MOCOS: variants seen among roughly 807,000 people sequenced by gnomAD.
The protein encoded by MOCOS is molybdenum cofactor sulfurase, also known as human molybdenum cofactor sulfurase.
In MOCOS, 86 loss-of-function variants were observed where a neutral mutation model predicts 83.6. The observed-to-expected ratio is 1.03, with a 90% confidence interval of 0.86 to 1.23. MOCOS has a LOEUF of 1.23. Ranked by LOEUF, MOCOS falls within the 50% of genes most tolerant of loss-of-function variation. The pLI, the probability that MOCOS is intolerant of heterozygous loss-of-function variation, is 0.00. For synonymous variants in MOCOS, 445 were observed against 434.7 expected, an observed-to-expected ratio of 1.02 and a Z score of -0.29; for missense variants, 1,120 against 1,126.9, an observed-to-expected ratio of 0.99 and a Z score of 0.09.
chr18:36,253,292 A>G (rs564082017), intron 11 of MOCOS, among the ~76,000 whole-genome samples: 44 of 152,310 alleles, frequency 2.9e-4, no homozygotes, highest in Admixed American at 1.4e-3. Flanking sequence ...ATAAAGGTCT[A>G]TGCGAAGGGC....
chr18:36,199,960 C>G lies in MOCOS; in HGVS notation c.577C>G (p.Gln193Glu). Residue 193 changes from glutamine to glutamate, a missense_variant, in exon 4 of 15, where the codon CAG becomes GAG. Physicochemically the swap from Gln to Glu is conservative, Grantham distance 29 (BLOSUM62 2). Transcript: ENST00000261326. ...TGCTTCAGCCAGCAACCCAGACTGC[C>G]AGCTGCCGCATCTCTTCTGCTACCC... ...RSASASNPDC[Q>E]LPHLFCYPAQ... 1 of 1,614,238 alleles carries G rather than the reference C, an allele frequency of 6.2e-7. No individual in the cohort carries two copies. The highest frequency in any genetic ancestry group is 8.5e-7 in the Non-Finnish European group (1 of 1,180,048).
chr18:36,197,650 G>A (rs2091394675), intron 2 of MOCOS, among the ~76,000 whole-genome samples: 1 of 152,164 alleles, frequency 6.6e-6, no homozygotes, highest in Non-Finnish European at 1.5e-5. Flanking sequence ...GCACATGCCT[G>A]TTGTGCTAGC....
chr18:36,211,142 G>C (rs1056340604), intron 6 of MOCOS, among the ~76,000 whole-genome samples: 2 of 152,154 alleles, frequency 1.3e-5, no homozygotes, highest in African/African-American at 4.8e-5. Flanking sequence ...GGAACTTCAC[G>C]ATATGGGAAT....
intron 9 of MOCOS, among the ~76,000 whole-genome samples, chr18:36,240,869 G>A (rs1362839397): frequency 1.3e-5 from 2 of 152,210 alleles, no homozygotes; most frequent in African/African-American, 2.4e-5. Flanking sequence ...GAAAAGCGCA[G>A]TATTCGGGTG....
chr18:36,237,712 A>G (rs2091564828), intron 9 of MOCOS, among the ~76,000 whole-genome samples: 1 of 152,060 alleles, frequency 6.6e-6, no homozygotes, highest in Non-Finnish European at 1.5e-5. Context: ...TAATGGTACC[A>G]GTTCCTCCTT....
At chr18:36,247,514 T>A (rs1394814931) in intron 9 of MOCOS, among the ~76,000 whole-genome samples, 2 of 151,976 alleles carry the variant, frequency 1.3e-5, no homozygotes, top group Non-Finnish European at 1.5e-5. Context: ...AGAACCCCTG[T>A]GAGATAAGTC....
At chr18:36,249,874 T>TA (rs531442023) in intron 10 of MOCOS, among the ~76,000 whole-genome samples, 119 of 152,344 alleles carry the variant, frequency 7.8e-4, no homozygotes, top group African/African-American at 2.7e-3. Context: ...TCACAGATTA[T>TA]ATACCCATAT....
chr18:36,239,020 A>G (rs1268159989), intron 9 of MOCOS, among the ~76,000 whole-genome samples: 4 of 151,222 alleles, frequency 2.6e-5, no homozygotes, highest in Non-Finnish European at 5.9e-5. Context: ...TTTTGAGCCT[A>G]TGTGTGTCTC....
At chr18:36,202,987 G>A in intron 4 of MOCOS, 126 bp from the exon 5 acceptor site, 1 of 881,596 alleles carries the variant, frequency 1.1e-6, no homozygotes. Context: ...TGAGATTTAG[G>A]TGGAGACATA....
intron 9 of MOCOS, among the ~76,000 whole-genome samples, chr18:36,221,881 A>G (rs560777419): frequency 6.6e-6 from 1 of 152,132 alleles, no homozygotes; most frequent in South Asian, 2.1e-4. Flanking sequence ...ATGCAGCACC[A>G]TGACTGGCTG....
rs111644105 is a variant in MOCOS, at chr18:36,226,208, G to A, written c.1960+5991G>A. On this transcript the variant is annotated intron_variant, in intron 9 of 14. Coordinates refer to ENST00000261326, the MANE Select transcript of MOCOS (RefSeq NM_017947.4). Reference sequence around the variant, plus strand: ...ATGTATTTAGGTGCTCTGATGTTGGGTGCATATATATTTATAATTGTTATA... The same window carrying A: ...ATGTATTTAGGTGCTCTGATGTTGGATGCATATATATTTATAATTGTTATA... 2.6e-5 allele frequency among the ~76,000 whole-genome samples: 4 copies of A among 151,880 alleles called. No individual in the cohort carries two copies. The East Asian group carries it at 5.8e-4, about 22-fold the overall frequency.
Position 36,215,645 on chromosome 18 carries a change from C to A in MOCOS, c.1465C>A (p.Arg489Ser). 1 of 1,614,182 alleles carries A rather than the reference C, an allele frequency of 6.2e-7. No individual in the cohort carries two copies. Among genetic ancestry groups the A allele is most frequent in the Non-Finnish European group, 8.5e-7 (1 of 1,180,040 alleles). Residue 489 changes from arginine to serine, a missense_variant, in exon 8 of 15, where the codon CGC becomes AGC. By Grantham distance (110) the Arg-to-Ser change is moderately radical. Transcript: ENST00000261326. ...QAFLRFIIDT[R>S]LHSSGDWPVP... is the part of the protein sequence containing the mutation. ...CTTTCTTAGGTTCATCATAGACACTCGCCTGCACTCATCAGGGGACTGGCC... is the reference window on the plus strand; with the variant it reads ...CTTTCTTAGGTTCATCATAGACACTAGCCTGCACTCATCAGGGGACTGGCC...
At position 36,199,692 on chromosome 18, in the gene MOCOS, G is replaced by T; in HGVS notation, c.309G>T (p.Ala103=). The change falls in exon 4 of 15, where the codon GCG becomes GCT. Residue 103 remains alanine, a synonymous_variant. Coordinates refer to ENST00000261326, the MANE Select transcript of MOCOS (RefSeq NM_017947.4). ...TVEQVRYRIL[A]HFHTTAEDYT... ...GCTGTGCTTCTTCCAGAATCCTGGC[G>T]CACTTCCACACCACCGCAGAAGACT... 3 of 1,613,594 alleles carry T rather than the reference G, an allele frequency of 1.9e-6. No homozygotes were observed. Among genetic ancestry groups the T allele is most frequent in the Non-Finnish European group, 2.5e-6 (3 of 1,180,024 alleles).
chr18:36,257,533 G>T (rs1186443990), intron 12 of MOCOS, among the ~76,000 whole-genome samples: 3 of 152,042 alleles, frequency 2.0e-5, no homozygotes, highest in African/African-American at 7.2e-5. Context: ...TTTGAAAGAT[G>T]CACCACAGAT....
At chr18:36,222,386 C>A (rs891106839) in intron 9 of MOCOS, among the ~76,000 whole-genome samples, 4 of 152,130 alleles carry the variant, frequency 2.6e-5, no homozygotes, top group Non-Finnish European at 5.9e-5. Flanking sequence ...ACATTCTCGA[C>A]AACACTTACT....
intron 6 of MOCOS, among the ~76,000 whole-genome samples, chr18:36,209,185 T>C (rs985977493): frequency 2.0e-5 from 3 of 152,064 alleles, no homozygotes; most frequent in African/African-American, 7.2e-5. Context: ...TCTTTTTTTT[T>C]TTTCTTTCTT....
intron 5 of MOCOS, among the ~76,000 whole-genome samples, chr18:36,203,694 G>A (rs2091423574): frequency 6.6e-6 from 1 of 152,244 alleles, no homozygotes; most frequent in African/African-American, 2.4e-5. Context: ...TCTGCCGATG[G>A]TCTTCGCATG....
Position 36,191,307 on chromosome 18 carries a change from A to G in MOCOS, c.142+3626A>G, listed in dbSNP as rs115370729. Among the ~76,000 whole-genome samples the G allele has an allele frequency of 4.7e-3, 711 of 152,334 alleles. 2 individuals carry two copies. Among genetic ancestry groups the G allele is most frequent in the African/African-American group, 0.016 (678 of 41,582 alleles). ...TACAACATTTAGTGGTATCAGATTC[A>G]AAAGTTGCCAAAGGAGGGTGAAGAA... is the stretch of plus-strand genomic sequence containing the variant. On this transcript the variant is annotated intron_variant, in intron 1 of 14. Coordinates refer to ENST00000261326, the MANE Select transcript of MOCOS (RefSeq NM_017947.4).
intron 9 of MOCOS, among the ~76,000 whole-genome samples, chr18:36,234,515 G>GT (rs1305985722): frequency 1.3e-5 from 2 of 151,986 alleles, no homozygotes; most frequent in African/African-American, 4.8e-5. Context: ...TAAGTGGGCT[G>GT]TTTTTTTGTT....
Sources: gnomAD v4.1 joint callset for allele counts (sites outside exome capture counted in the v4.1 genomes callset) on GRCh38, gnomAD v4.1.1 for gene constraint, MANE v1.5 for transcripts, NCBI Gene and HGNC (gene_info 2026-07-23, HGNC 2026-07-21) for gene names.